Variants in TMEM178B observed in about 807,000 individuals in gnomAD.
TMEM178B encodes the protein transmembrane protein 178B.
Under a neutral mutation model 31.0 loss-of-function variants are expected in TMEM178B, and 5 were observed. The ratio of observed to expected loss-of-function variants is 0.16; its 90% confidence interval spans 0.08 to 0.34. TMEM178B has a LOEUF of 0.34. Ranked by LOEUF, TMEM178B falls within the 10% of genes least tolerant of loss-of-function variation. TMEM178B has a pLI of 1.00. For missense variants in TMEM178B, 275 were observed against 400.3 expected (o/e 0.69, Z 2.67); for synonymous variants, 164 against 164.0 (o/e 1.00, Z 0.00).
chr7:141,228,227 G>T (rs1400665118), intron 2 of TMEM178B, among the ~76,000 whole-genome samples: 1 of 151,884 alleles, frequency 6.6e-6, no homozygotes, highest in Non-Finnish European at 1.5e-5. Flanking sequence ...TATATATGTT[G>T]TATTTAAATA....
At chr7:141,077,199 AG>A (rs1794612423) in intron 1 of TMEM178B, among the ~76,000 whole-genome samples, 1 of 152,262 alleles carries the variant, frequency 6.6e-6, no homozygotes, top group African/African-American at 2.4e-5. Context: ...TTTTAGAAAA[AG>A]ATGTTTATCT....
At chr7:141,442,104 G>A (rs1012309450) in intron 3 of TMEM178B, among the ~76,000 whole-genome samples, 7 of 152,220 alleles carry the variant, frequency 4.6e-5, no homozygotes, top group African/African-American at 1.4e-4. Context: ...AAGGGAGCAC[G>A]TGACTGCTAT....
chr7:141,388,359 C>T (rs182267556), intron 2 of TMEM178B, among the ~76,000 whole-genome samples: 261 of 152,328 alleles, frequency 1.7e-3, no homozygotes, highest in Non-Finnish European at 2.8e-3. Flanking sequence ...TCAAAGAAGA[C>T]GGTCTCTAAT....
At chr7:141,315,274 A>G (rs1304873959) in intron 2 of TMEM178B, among the ~76,000 whole-genome samples, 2 of 152,166 alleles carry the variant, frequency 1.3e-5, no homozygotes, top group East Asian at 3.8e-4. Context: ...TGCCTCCACC[A>G]GGTCCTCTGT....
At chr7:141,203,994 A>T (rs2129186699) in intron 1 of TMEM178B, among the ~76,000 whole-genome samples, 1 of 152,314 alleles carries the variant, frequency 6.6e-6, no homozygotes, top group African/African-American at 2.4e-5. Context: ...AAGGAAGAGA[A>T]AGCCTGCCTC....
chr7:141,502,644 C>T, the TMEM178B span, among the ~76,000 whole-genome samples: 1 of 152,112 alleles, frequency 6.6e-6, no homozygotes, highest in Admixed American at 6.5e-5. Context: ...GTAGTGCATG[C>T]CTGTAATCCC....
At position 141,125,539 on chromosome 7, in the gene TMEM178B, G is replaced by A. The variant is rs549822034; in HGVS notation, c.382+50847G>A. ...CTACTAAAAATACAAAAATCAGCCG[G>A]GTGTGGTGGCACACGCCTGTAATCC... On this transcript the variant is annotated intron_variant, in intron 1 of 3. Coordinates refer to ENST00000565468, the MANE Select transcript of TMEM178B (RefSeq NM_001195278.2). Among the ~76,000 whole-genome samples the A allele has an allele frequency of 2.9e-3, 442 of 151,962 alleles. 5 individuals carry two copies. Among genetic ancestry groups the A allele is most frequent in the African/African-American group, 0.01 (417 of 41,456 alleles).
the TMEM178B span, among the ~76,000 whole-genome samples, chr7:141,505,686 T>C: frequency 2.6e-3 from 400 of 152,334 alleles, 1 homozygote; most frequent in Admixed American, 4.4e-3. Context: ...TGCTTTTCTT[T>C]CTCTACTGGC....
intron 1 of TMEM178B, among the ~76,000 whole-genome samples, chr7:141,096,079 T>G (rs1794956348): frequency 6.6e-6 from 1 of 152,226 alleles, no homozygotes; most frequent in Non-Finnish European, 1.5e-5. Context: ...TACAACATGA[T>G]CAGCCTCTTG....
At chr7:141,248,047 T>C (rs1797766896) in intron 2 of TMEM178B, among the ~76,000 whole-genome samples, 1 of 152,048 alleles carries the variant, frequency 6.6e-6, no homozygotes, top group African/African-American at 2.4e-5. Flanking sequence ...CTTTTTTTTT[T>C]TCAGTCCATC....
chr7:141,192,317 A>G (rs557274949), intron 1 of TMEM178B, among the ~76,000 whole-genome samples: 19 of 152,004 alleles, frequency 1.2e-4, no homozygotes, highest in Non-Finnish European at 1.9e-4. Flanking sequence ...GAGGTTAGAT[A>G]AGGACCGTCA....
rs1372920595 is a variant in TMEM178B, at chr7:141,467,788, A to G, written c.635-2748A>G. On this transcript the variant is annotated intron_variant, in intron 3 of 3. Transcript: ENST00000565468. The stretch of plus-strand genomic sequence containing the variant: ...AGACATCTTCATATCTAAATCTTAC[A>G]CATGTCCATACCTAAATATTTGTCC... 2.6e-5 allele frequency among the ~76,000 whole-genome samples: 4 copies of G among 152,094 alleles called. No homozygotes were observed. The East Asian group carries it at 7.8e-4, about 29-fold the overall frequency.
chr7:141,137,230 G>C (rs1367732874), intron 1 of TMEM178B, among the ~76,000 whole-genome samples: 2 of 152,096 alleles, frequency 1.3e-5, no homozygotes, highest in South Asian at 4.1e-4. Context: ...CAAAAGAAAA[G>C]AAATCAGTAT....
intron 2 of TMEM178B, among the ~76,000 whole-genome samples, chr7:141,311,141 C>G (rs1019194115): frequency 2.0e-5 from 3 of 152,112 alleles, no homozygotes; most frequent in Admixed American, 6.5e-5. Flanking sequence ...CACACCTTGG[C>G]CTGTTGGGGG....
intron 1 of TMEM178B, among the ~76,000 whole-genome samples, chr7:141,201,267 A>G (rs1796872994): frequency 6.6e-6 from 1 of 152,148 alleles, no homozygotes; most frequent in Non-Finnish European, 1.5e-5. Context: ...CGGTGGCCCT[A>G]CTGGGTTTGC....
downstream of TMEM178B, among the ~76,000 whole-genome samples, chr7:141,485,091 G>A (rs1042023646): frequency 6.6e-6 from 1 of 152,156 alleles, no homozygotes; most frequent in African/African-American, 2.4e-5. Flanking sequence ...CTGAGAGCAG[G>A]TGTGCATAAG....
At chr7:141,176,561 G>T (rs902330829) in intron 1 of TMEM178B, among the ~76,000 whole-genome samples, 3 of 152,214 alleles carry the variant, frequency 2.0e-5, no homozygotes, top group Non-Finnish European at 4.4e-5. Context: ...ACCTCTGGTA[G>T]AATTCGGCTG....
intron 1 of TMEM178B, among the ~76,000 whole-genome samples, chr7:141,100,018 A>G (rs1795027742): frequency 6.6e-6 from 1 of 151,932 alleles, no homozygotes; most frequent in Non-Finnish European, 1.5e-5. Flanking sequence ...ATGGGGTTTC[A>G]CCATGTTAGC....
chr7:141,280,296 T>A (rs1798335001), intron 2 of TMEM178B, among the ~76,000 whole-genome samples: 4 of 152,266 alleles, frequency 2.6e-5, no homozygotes, highest in African/African-American at 9.6e-5. Context: ...GGGCACCTGA[T>A]ATAGTTTGGC....
Sources: allele counts gnomAD v4.1 joint callset (sites outside exome capture counted in the v4.1 genomes callset), GRCh38; gene constraint gnomAD v4.1.1; transcripts MANE v1.5; gene names NCBI Gene and HGNC (gene_info 2026-07-23, HGNC 2026-07-21).